Variants in JCAD observed in about 807,000 individuals in gnomAD.
JCAD encodes junctional cadherin 5-associated protein.
Under a neutral mutation model 98.0 loss-of-function variants are expected in JCAD, and 40 were observed. The ratio of observed to expected loss-of-function variants is 0.41; its 90% CI spans 0.32 to 0.53. The LOEUF (loss-of-function observed/expected upper bound fraction) is 0.53. JCAD is among the 20% of genes least tolerant of loss of function. The pLI is 0.31. For synonymous variants in JCAD, 691 were observed against 682.3 expected (o/e 1.01, Z -0.20); for missense variants, 1,705 against 1,738.1 (o/e 0.98, Z 0.34).
chr10:30,028,216 T>C lies in JCAD; in HGVS notation c.1932A>G (p.Arg644=). 6.2e-7 allele frequency: 1 copy of C among 1,614,122 alleles called. No individual in the cohort carries two copies. Among genetic ancestry groups the C allele is most frequent in the Non-Finnish European group, 8.5e-7 (1 of 1,180,036 alleles). The change falls in exon 3 of 4, where the codon AGA becomes AGG. Residue 644 remains arginine (R), a synonymous_variant. Coordinates refer to ENST00000375377, the MANE Select transcript of JCAD (RefSeq NM_020848.4). ...CTAGATCTTGTTTTTGGAACTCCGT[T>C]CTCCCACCCATGCTTCCTGTGAGGG... ...LQALTGSMGG[R]TEFQKQDLGE... is the part of the protein sequence containing the mutation.
chr10:30,110,091 G>A (rs981802998), intron 1 of JCAD, among the ~76,000 whole-genome samples: 3 of 151,964 alleles, frequency 2.0e-5, no homozygotes, highest in African/African-American at 4.8e-5. Flanking sequence ...ATGGATGTAT[G>A]GACTCACTTA....
At position 30,030,867 on chromosome 10, in the gene JCAD, C is replaced by T. The variant is rs148345184; in HGVS notation, c.282-1001G>A. On this transcript the variant is annotated intron_variant, in intron 2 of 3. Coordinates refer to ENST00000375377, the MANE Select transcript of JCAD (RefSeq NM_020848.4). The stretch of plus-strand genomic sequence containing the variant: ...CAGATGCCAGGCAGTATCCTAGACA[C>T]ATTACATTACAATCTTAAGACGTGT... Among the ~76,000 whole-genome samples, 169 of 151,548 alleles carry T rather than the reference C, an allele frequency of 1.1e-3. No individual in the cohort carries two copies. In the East Asian group the frequency reaches 0.015, roughly 13 times the overall value.
chr10:30,064,487 C>T (rs944937964), upstream of JCAD, among the ~76,000 whole-genome samples: 2 of 152,284 alleles, frequency 1.3e-5, no homozygotes, highest in African/African-American at 2.4e-5. Context: ...AGGACTAATA[C>T]GCCATCACCT....
intron 1 of JCAD, among the ~76,000 whole-genome samples, chr10:30,086,690 G>C (rs556391223): frequency 3.3e-5 from 5 of 152,284 alleles, no homozygotes; most frequent in African/African-American, 1.2e-4. Flanking sequence ...CACATATGCT[G>C]GATGAAGCAA....
intron 1 of JCAD, among the ~76,000 whole-genome samples, chr10:30,085,215 G>A (rs1015523638): frequency 7.2e-5 from 11 of 151,986 alleles, no homozygotes; most frequent in African/African-American, 2.7e-4. Context: ...TTATACAACT[G>A]GTATCAGCAA....
At chr10:30,063,926 C>G (rs1309386195), upstream of JCAD, among the ~76,000 whole-genome samples, 1 of 152,016 alleles carries the variant, frequency 6.6e-6, no homozygotes, top group African/African-American at 2.4e-5. Flanking sequence ...CCTGCCTCAG[C>G]TTCCTGAATA....
chr10:30,115,298 G>A (rs1031796324), intron 1 of JCAD: 3 of 152,152 alleles, frequency 2.0e-5, no homozygotes, highest in East Asian at 1.9e-4. Context: ...CCGTTTTTCA[G>A]TGATTACCGG....
intron 2 of JCAD, among the ~76,000 whole-genome samples, chr10:30,041,528 G>A (rs892872488): frequency 1.3e-5 from 2 of 152,178 alleles, no homozygotes; most frequent in African/African-American, 4.8e-5. Flanking sequence ...ATATCCAGTA[G>A]CACTATCTAG....
At chr10:30,107,331 A>T (rs1241323352) in intron 1 of JCAD, among the ~76,000 whole-genome samples, 1 of 152,232 alleles carries the variant, frequency 6.6e-6, no homozygotes, top group Non-Finnish European at 1.5e-5. Flanking sequence ...CAAGATGGCG[A>T]TGAAAGGGAT....
In JCAD at chr10:30,026,959, C is replaced by G; in HGVS notation, c.3189G>C (p.Glu1063Asp). 1 of 1,614,222 alleles carries G rather than the reference C, an allele frequency of 6.2e-7. No homozygotes were observed. The highest frequency in any genetic ancestry group is 1.1e-5 in the South Asian group (1 of 91,082). The change falls in exon 3 of 4, where the codon GAG (glutamate) becomes GAC (aspartate). Residue 1063 changes from glutamate to aspartate, a missense_variant. Physicochemically the swap from Glu to Asp is conservative, Grantham distance 45. Around this residue, in one of 3 missense-constraint regions of JCAD, gnomAD observed 1,278 missense variants for 1,243.1 expected, o/e 1.03. Transcript: ENST00000375377. ...TTGCTTCACCCAAAGACCCCTCTAG[C>G]TCACTGGCACCCTGTTCTTGCCCAG... ...LTPGQEQGAS[E>D]LEGSLGEAST... is the part of the protein sequence containing the mutation.
chr10:30,030,676 C>T (rs1052751442), intron 2 of JCAD, among the ~76,000 whole-genome samples: 1 of 151,962 alleles, frequency 6.6e-6, no homozygotes, highest in Non-Finnish European at 1.5e-5. Context: ...ATTGCTGGGT[C>T]CCATCCCCAG....
At chr10:30,051,857 G>A (rs1288444972) in intron 1 of JCAD, among the ~76,000 whole-genome samples, 1 of 152,190 alleles carries the variant, frequency 6.6e-6, no homozygotes, top group African/African-American at 2.4e-5. Context: ...CCTCAGTGAC[G>A]AGGATAATGA....
chr10:30,038,806 T>C (rs943438), intron 2 of JCAD, among the ~76,000 whole-genome samples: 72,986 of 151,160 alleles, frequency 0.48, 18,849 homozygotes, highest in African/African-American at 0.69. Context: ...TATAGGTCCA[T>C]GTGGAAGGAG....
rs180976626 is a variant in JCAD, at chr10:30,039,470, T to C, written c.281+8062A>G. ...GGACAGAATCCTTCCTTTTGAGTTT[T>C]CTGGGAGGGATGAAATGAGATAATA... On this transcript the variant is annotated intron_variant, in intron 2 of 3. Transcript: ENST00000375377. Among the ~76,000 whole-genome samples, 699 of 152,086 alleles carry C rather than the reference T, an allele frequency of 4.6e-3. 3 individuals are homozygous for C. Among genetic ancestry groups the C allele is most frequent in the Non-Finnish European group, 8.1e-3 (548 of 67,966 alleles).
chr10:30,077,034 TC>T (rs1469384307), intron 1 of JCAD, among the ~76,000 whole-genome samples: 1 of 152,064 alleles, frequency 6.6e-6, no homozygotes, highest in African/African-American at 2.4e-5. Flanking sequence ...ATGAAGACAT[TC>T]GGAATTGCAG....
At chr10:30,111,099 T>C (rs1838692368) in intron 1 of JCAD, among the ~76,000 whole-genome samples, 1 of 152,076 alleles carries the variant, frequency 6.6e-6, no homozygotes, top group Admixed American at 6.6e-5. Context: ...CCCGACCTGA[T>C]ATATGGACTG....
At position 30,016,196 on chromosome 10, in the gene JCAD, C is replaced by T. The variant is rs928622119; in HGVS notation, c.*1687G>A. The T allele has an allele frequency of 6.6e-6, 1 of 152,178 alleles. No individual in the cohort carries two copies. Among genetic ancestry groups the T allele is most frequent in the African/African-American group, 2.4e-5 (1 of 41,450 alleles). 9.4% of individuals were successfully genotyped at this position (152,178 alleles called of 1,614,324 possible). A position where few individuals can be genotyped will look rare whatever the true frequency, so the allele number is the denominator to read the frequency against. ...TGAGAACAGGCCGGGACAGCCCGGC[C>T]AGCCGTTTTAGGGCCAAAGGACAGA... On this transcript the variant is annotated 3_prime_UTR_variant, in exon 4 of 4. Coordinates refer to ENST00000375377, the MANE Select transcript of JCAD (RefSeq NM_020848.4).
At chr10:30,096,136 C>T (rs1256406856) in intron 1 of JCAD, among the ~76,000 whole-genome samples, 1 of 152,236 alleles carries the variant, frequency 6.6e-6, no homozygotes, top group African/African-American at 2.4e-5. Context: ...AAGATGCCAT[C>T]AGCCTGGGCC....
At chr10:30,031,973 C>A (rs1837011208) in intron 2 of JCAD, among the ~76,000 whole-genome samples, 1 of 151,544 alleles carries the variant, frequency 6.6e-6, no homozygotes, top group African/African-American at 2.4e-5. Context: ...CCGGGATGGT[C>A]TCGATCTCCT....
Sources: allele counts gnomAD v4.1 joint callset (sites outside exome capture counted in the v4.1 genomes callset), GRCh38; gene constraint gnomAD v4.1.1; regional missense constraint gnomAD v4.1.1; transcripts MANE v1.5; gene names NCBI Gene and HGNC (gene_info 2026-07-23, HGNC 2026-07-21).